Variants in PLXNA4 observed in about 807,000 individuals in gnomAD.
PLXNA4 encodes plexin A4, also known as plexin-A4.
In PLXNA4, 44 loss-of-function variants were observed where a neutral mutation model predicts 191.8. The ratio of observed to expected loss-of-function variants is 0.23; its 90% CI spans 0.18 to 0.29. The LOEUF is 0.29. Ranked by LOEUF, PLXNA4 falls within the 10% of genes least tolerant of loss-of-function variation. The probability of loss-of-function intolerance (pLI) is 1.00; values close to 1 mark genes in which losing one functional copy is unlikely to be tolerated. For synonymous variants in PLXNA4, 1,082 were observed against 1,009.5 expected (o/e 1.07, Z -1.36); for missense variants, 1,800 against 2,488.8 (o/e 0.72, Z 5.89).
At chr7:132,385,328 C>G in intron 3 of PLXNA4, 1 of 1,590,408 alleles carries the variant, frequency 6.3e-7, no homozygotes, top group Non-Finnish European at 8.5e-7. Context: ...AGACTTAGAC[C>G]ATGGTGCACA....
rs747413536 is a variant in PLXNA4, at chr7:132,130,591, A to C, written c.5590-17T>G. 3.7e-6 allele frequency: 6 copies of C among 1,613,910 alleles called. No individual in the cohort carries two copies. The South Asian group carries it at 6.6e-5, about 18-fold the overall frequency. On this transcript the variant is annotated splice_polypyrimidine_tract_variant and intron_variant, in intron 31 of 31. Transcript: ENST00000321063. ...TCCAAGGATCTGCGGAAGGGCCAAG[A>C]ACAGGGAGATTACTCATTTGTGTGT...
At chr7:132,140,105 T>C (rs1379363857) in intron 30 of PLXNA4, among the ~76,000 whole-genome samples, 1 of 151,790 alleles carries the variant, frequency 6.6e-6, no homozygotes, top group Non-Finnish European at 1.5e-5. Flanking sequence ...CATGCAAGAG[T>C]CAAGGGATGG....
intron 18 of PLXNA4, 110 bp downstream of exon 18, chr7:132,181,271 T>C: frequency 6.5e-7 from 1 of 1,546,246 alleles, no homozygotes; most frequent in Non-Finnish European, 8.8e-7. Context: ...CTGCAACCTC[T>C]GCAAGAGATG....
At chr7:132,239,353 C>T (rs1043650206) in intron 5 of PLXNA4, among the ~76,000 whole-genome samples, 8 of 152,142 alleles carry the variant, frequency 5.3e-5, no homozygotes, top group African/African-American at 1.4e-4. Context: ...CACAGGGCTC[C>T]GTGCTCTGTG....
At chr7:132,503,114 G>T (rs1450192174) in intron 2 of PLXNA4, among the ~76,000 whole-genome samples, 1 of 152,172 alleles carries the variant, frequency 6.6e-6, no homozygotes, top group African/African-American at 2.4e-5. Flanking sequence ...CAGTTCCAAA[G>T]TCAGGGAAGA....
At chr7:132,242,793 T>G (rs1221551312) in intron 4 of PLXNA4, among the ~76,000 whole-genome samples, 2 of 152,210 alleles carry the variant, frequency 1.3e-5, no homozygotes, top group Non-Finnish European at 2.9e-5. Flanking sequence ...TGCCTACATA[T>G]GACCTTCCTA....
chr7:132,327,939 C>A (rs937653676), intron 3 of PLXNA4, among the ~76,000 whole-genome samples: 12 of 152,132 alleles, frequency 7.9e-5, no homozygotes, highest in Non-Finnish European at 1.3e-4. Context: ...CAGGGAGAGC[C>A]GCCCTGTGTG....
chr7:132,312,149 AAATAAT>A (rs56273116), intron 3 of PLXNA4, among the ~76,000 whole-genome samples: 5 of 149,492 alleles, frequency 3.3e-5, no homozygotes, highest in African/African-American at 1.0e-4. Context: ...CCTTGAAGGA[AAATAAT>A]AATAATAATA....
rs143631127 is a variant in PLXNA4 at position 132,165,543 on chromosome 7, C to T, written c.4287-343G>A. On this transcript the variant is annotated intron_variant, in intron 22 of 31. Transcript: ENST00000321063. ...CTGTGCCATCTAATATGGCAACCAC[C>T]GGCCACACATAGCTACTGAGCACTT... is the stretch of plus-strand genomic sequence containing the variant. 5.7e-4 allele frequency among the ~76,000 whole-genome samples: 87 copies of T among 152,210 alleles called. 1 individual carries two copies. The highest frequency in any genetic ancestry group is 3.4e-3 in the Middle Eastern group (1 of 294).
chr7:132,371,680 T>C (rs768460838), intron 3 of PLXNA4, among the ~76,000 whole-genome samples: 11 of 152,098 alleles, frequency 7.2e-5, no homozygotes, highest in Non-Finnish European at 1.3e-4. Flanking sequence ...CCAAAGATGT[T>C]CACAGCCGTC....
At chr7:132,264,690 T>C (rs987251315) in intron 4 of PLXNA4, among the ~76,000 whole-genome samples, 8 of 151,476 alleles carry the variant, frequency 5.3e-5, no homozygotes, top group Non-Finnish European at 1.2e-4. Context: ...CCCGCTTTTT[T>C]TTTTTTTTTT....
At chr7:132,491,750 A>G (rs1187424765) in intron 2 of PLXNA4, among the ~76,000 whole-genome samples, 1 of 152,246 alleles carries the variant, frequency 6.6e-6, no homozygotes, top group African/African-American at 2.4e-5. Context: ...TCTCTACTAA[A>G]AAAACAAACA....
At chr7:132,188,993 G>GGA (rs1235676896) in intron 14 of PLXNA4, among the ~76,000 whole-genome samples, 13 of 35,570 alleles carry the variant, frequency 3.7e-4, no homozygotes, top group Non-Finnish European at 4.8e-4. Context: ...GGAAAGGAAA[G>GGA]GAGAGAGAGA....
chr7:132,229,672 G>T (rs2116988412), intron 5 of PLXNA4, among the ~76,000 whole-genome samples: 1 of 152,288 alleles, frequency 6.6e-6, no homozygotes, highest in East Asian at 1.9e-4. Flanking sequence ...TGCAGGGCAG[G>T]AGAGAGCCCC....
intron 3 of PLXNA4, among the ~76,000 whole-genome samples, chr7:132,477,454 A>AAAT (rs1192299793): frequency 1.3e-5 from 2 of 152,228 alleles, no homozygotes; most frequent in African/African-American, 4.8e-5. Flanking sequence ...TCTCCCAGAT[A>AAAT]AATAACATGG....
intron 3 of PLXNA4, among the ~76,000 whole-genome samples, chr7:132,357,386 C>T (rs539476674): frequency 5.8e-4 from 88 of 152,170 alleles, no homozygotes; most frequent in Non-Finnish European, 1.0e-3. Context: ...GCTTCTTGCA[C>T]GGTTTTCTCG....
intron 3 of PLXNA4, among the ~76,000 whole-genome samples, chr7:132,395,725 C>T (rs148682991): frequency 9.8e-4 from 150 of 152,308 alleles, no homozygotes; most frequent in Non-Finnish European, 7.5e-4. Flanking sequence ...TTTTCTTTGC[C>T]GCCCAGAAAA....
intron 2 of PLXNA4, among the ~76,000 whole-genome samples, chr7:132,638,226 T>C (rs1803647784): frequency 6.6e-6 from 1 of 152,220 alleles, no homozygotes; most frequent in African/African-American, 2.4e-5. Context: ...GCAGCTCTCA[T>C]GCCAGGCACA....
chr7:132,408,680 G>C (rs959969967), intron 3 of PLXNA4, among the ~76,000 whole-genome samples: 1 of 152,052 alleles, frequency 6.6e-6, no homozygotes, highest in East Asian at 1.9e-4. Flanking sequence ...TGGCCAGGCT[G>C]GTCTCGAACT....
Sources: gnomAD v4.1 joint callset for allele counts (sites outside exome capture counted in the v4.1 genomes callset) on GRCh38, gnomAD v4.1.1 for gene constraint, MANE v1.5 for transcripts, NCBI Gene and HGNC (gene_info 2026-07-23, HGNC 2026-07-21) for gene names.